The following SLCO1A2 variants were observed in gnomAD, a reference collection of about 807,000 sequenced individuals.
SLCO1A2 encodes solute carrier organic anion transporter family member 1A2, also known as OATP-1.
Under a neutral mutation model 69.0 loss-of-function variants are expected in SLCO1A2, and 67 were observed. That is an observed-to-expected ratio of 0.97 (90% CI 0.80 to 1.19). The LOEUF is 1.19. Among genes scored for constraint, SLCO1A2 ranks in the 50% most tolerant of loss-of-function variants. SLCO1A2 has a pLI of 0.00. For missense variants in SLCO1A2, 787 were observed against 793.7 expected, an observed-to-expected ratio of 0.99 and a Z score of 0.10; for synonymous variants, 260 against 265.9, an observed-to-expected ratio of 0.98 and a Z score of 0.22.
rs559069060 is a variant in SLCO1A2, at chr12:21,353,170, C to A, written c.-62-18461G>T. Among the ~76,000 whole-genome samples the A allele has an allele frequency of 5.9e-5, 9 of 152,170 alleles. No homozygotes were observed. The East Asian group carries it at 1.7e-3, about 29-fold the overall frequency. On this transcript the variant is annotated intron_variant, in intron 2 of 15. Coordinates refer to the SLCO1A2 transcript ENST00000307378. ...AGTATTCATTACCAAGAATTTATAA[C>A]TAAGAGAAATAAATATTTGGAGCCT...
At chr12:21,291,954 G>A (rs564086175) in intron 12 of SLCO1A2, among the ~76,000 whole-genome samples, 2 of 152,074 alleles carry the variant, frequency 1.3e-5, no homozygotes, top group South Asian at 2.1e-4. Flanking sequence ...GAAAAGTAGC[G>A]AGGAATAGGA....
upstream of SLCO1A2, among the ~76,000 whole-genome samples, chr12:21,339,510 GAC>G (rs1952997670): frequency 6.6e-6 from 1 of 151,902 alleles, no homozygotes; most frequent in Admixed American, 6.6e-5. Flanking sequence ...ACAAAATGAA[GAC>G]AGTCTCTATC....
intron 14 of SLCO1A2, among the ~76,000 whole-genome samples, chr12:21,272,174 A>G (rs1204901466): frequency 2.0e-5 from 3 of 151,666 alleles, no homozygotes; most frequent in Non-Finnish European, 4.4e-5. Flanking sequence ...TTTTAGTGGC[A>G]TAGGTGCTCG....
At chr12:21,307,521 C>A (rs1369627217) in intron 4 of SLCO1A2, among the ~76,000 whole-genome samples, 2 of 152,134 alleles carry the variant, frequency 1.3e-5, no homozygotes, top group African/African-American at 4.8e-5. Context: ...AATGAGAGGC[C>A]TTAAGAGAAT....
intron 2 of SLCO1A2, chr12:21,319,594 G>C (rs1007970502): frequency 6.7e-6 from 4 of 593,226 alleles, no homozygotes; most frequent in South Asian, 1.7e-5. Context: ...AGTGTAAATG[G>C]AGGACCACAC....
At chr12:21,402,524 A>C (rs578095722) in intron 1 of SLCO1A2, among the ~76,000 whole-genome samples, 1 of 152,182 alleles carries the variant, frequency 6.6e-6, no homozygotes, top group African/African-American at 2.4e-5. Context: ...TATCACATAC[A>C]ATGGAATGGG....
At chr12:21,394,772 T>C (rs986682394) in intron 1 of SLCO1A2, 9 of 152,106 alleles carry the variant, frequency 5.9e-5, no homozygotes, top group Non-Finnish European at 1.2e-4. Flanking sequence ...ACAGTTTTTT[T>C]CTTCAGATAT....
intron 14 of SLCO1A2, among the ~76,000 whole-genome samples, chr12:21,273,286 C>G (rs1943199834): frequency 6.7e-6 from 1 of 148,480 alleles, no homozygotes; most frequent in African/African-American, 2.5e-5. Context: ...GCTACCTGCC[C>G]TCTGTCCTTG....
intron 2 of SLCO1A2, among the ~76,000 whole-genome samples, chr12:21,364,236 G>A (rs1939185705): frequency 6.6e-6 from 1 of 152,156 alleles, no homozygotes. Flanking sequence ...TGCAAGGCTG[G>A]TTCAACATAT....
chr12:21,381,800 G>GA (rs929663345), intron 1 of SLCO1A2, among the ~76,000 whole-genome samples: 2 of 150,850 alleles, frequency 1.3e-5, no homozygotes, highest in Non-Finnish European at 3.0e-5. Context: ...GTCTCAAAAA[G>GA]AAAAAAAAGA....
At chr12:21,412,555 T>C (rs1941924514) in intron 1 of SLCO1A2, among the ~76,000 whole-genome samples, 3 of 152,206 alleles carry the variant, frequency 2.0e-5, no homozygotes, top group Admixed American at 2.0e-4. Context: ...TATGAATTTG[T>C]CTATTTTGTT....
At chr12:21,370,118 G>T (rs914334882) in intron 2 of SLCO1A2, among the ~76,000 whole-genome samples, 3 of 152,096 alleles carry the variant, frequency 2.0e-5, no homozygotes, top group Non-Finnish European at 4.4e-5. Context: ...TCCTGGATCA[G>T]ACAGATAAGA....
At chr12:21,392,751 C>G (rs1016892725) in intron 1 of SLCO1A2, among the ~76,000 whole-genome samples, 16 of 152,248 alleles carry the variant, frequency 1.1e-4, no homozygotes, top group African/African-American at 3.9e-4. Flanking sequence ...GTTCTCCAAA[C>G]CAAGGTATAT....
At chr12:21,301,136 T>G (rs776309685) in intron 7 of SLCO1A2, 35 bp downstream of exon 7, 1 of 1,407,184 alleles carries the variant, frequency 7.1e-7, no homozygotes, top group South Asian at 1.2e-5. Flanking sequence ...CTTTGTATAG[T>G]CTAGACACTG....
chr12:21,413,638 A>G (rs539499985), intron 1 of SLCO1A2, among the ~76,000 whole-genome samples: 3 of 152,276 alleles, frequency 2.0e-5, no homozygotes, highest in African/African-American at 7.2e-5. Context: ...AAATAGTTAA[A>G]CCTAGGGAAA....
chr12:21,333,648 A>C (rs61927805), intron 2 of SLCO1A2, among the ~76,000 whole-genome samples: 8,575 of 152,200 alleles, frequency 0.056, 371 homozygotes, highest in Non-Finnish European at 0.089. Flanking sequence ...TTGTTTATAA[A>C]TACCACTTGA....
chr12:21,328,977 G>A (rs1006350767), intron 2 of SLCO1A2, among the ~76,000 whole-genome samples: 1 of 152,140 alleles, frequency 6.6e-6, no homozygotes, highest in African/African-American at 2.4e-5. Flanking sequence ...TATAGGGATG[G>A]TTGGGAAGTC....
intron 4 of SLCO1A2, among the ~76,000 whole-genome samples, chr12:21,313,635 C>G (rs1459737586): frequency 6.6e-6 from 1 of 152,124 alleles, no homozygotes; most frequent in Non-Finnish European, 1.5e-5. Flanking sequence ...TCACTTGACC[C>G]AGGAGGCAGA....
intron 1 of SLCO1A2, among the ~76,000 whole-genome samples, chr12:21,402,276 G>T (rs934167735): frequency 6.6e-6 from 1 of 151,742 alleles, no homozygotes; most frequent in Non-Finnish European, 1.5e-5. Context: ...TATATGAGAG[G>T]TGAGCTTTAT....
Sources: gnomAD v4.1 joint callset for allele counts (sites outside exome capture counted in the v4.1 genomes callset) on GRCh38, gnomAD v4.1.1 for gene constraint, MANE v1.5 for transcripts, NCBI Gene and HGNC (gene_info 2026-07-23, HGNC 2026-07-21) for gene names.